Variants in LRP1B observed in about 807,000 individuals in gnomAD.
LRP1B encodes the protein LDL receptor related protein 1B, also known as low-density lipoprotein receptor-related protein 1B.
A neutral mutation model predicts 556.6 loss-of-function variants in LRP1B; 217 were observed. That is an observed-to-expected ratio of 0.39 (90% confidence interval 0.35 to 0.44). The LOEUF (loss-of-function observed/expected upper bound fraction) is 0.44, where lower values mean the gene tolerates loss of function less well. Among genes scored for constraint, LRP1B ranks in the 20% least tolerant of loss-of-function variants. The pLI, the probability that LRP1B is intolerant of heterozygous loss-of-function variation, is 1.00. For synonymous variants in LRP1B, 2,047 were observed against 1,865.8 expected (o/e 1.10, Z -2.50); for missense variants, 5,053 against 5,620.8 (o/e 0.90, Z 3.23).
At chr2:141,301,387 T>C (rs1039504291) in intron 3 of LRP1B, among the ~76,000 whole-genome samples, 1 of 152,230 alleles carries the variant, frequency 6.6e-6, no homozygotes. Context: ...CTCAGAGTGC[T>C]GATGATATCA....
intron 25 of LRP1B, among the ~76,000 whole-genome samples, chr2:140,879,887 C>T (rs1160775909): frequency 6.7e-6 from 1 of 149,264 alleles, no homozygotes; most frequent in Non-Finnish European, 1.5e-5. Flanking sequence ...GCATTATAGG[C>T]ATAAAAAGGC....
rs1558780844 is a variant in LRP1B at position 140,982,294 on chromosome 2, TAAAC to T, written c.2771-22_2771-19del. On this transcript the variant is annotated intron_variant, in intron 17 of 90. Transcript: ENST00000389484. ...TGTTCTGGCTATGATGATCAATTAA[TAAAC>T]AAAAAATCAATTTAGAGGCATTTTG... 6.5e-7 allele frequency: 1 copy of T among 1,548,796 alleles called. No individual in the cohort carries two copies. The highest frequency in any genetic ancestry group is 1.4e-5 in the African/African-American group (1 of 73,452).
chr2:140,941,814 T>G (rs1312158728), intron 20 of LRP1B, among the ~76,000 whole-genome samples: 1 of 152,062 alleles, frequency 6.6e-6, no homozygotes, highest in African/African-American at 2.4e-5. Flanking sequence ...AGCAAATTCA[T>G]GAAGAAAAAG....
chr2:141,480,319 G>A (rs1411765219), intron 3 of LRP1B, 77 bp downstream of exon 3: 1 of 1,479,306 alleles, frequency 6.8e-7, no homozygotes, highest in African/African-American at 1.4e-5. Context: ...GAAAAGGCAG[G>A]TTATAGGTTT....
At chr2:141,235,728 C>T (rs1683626696) in intron 5 of LRP1B, among the ~76,000 whole-genome samples, 1 of 152,110 alleles carries the variant, frequency 6.6e-6, no homozygotes, top group Non-Finnish European at 1.5e-5. Context: ...AGGAGCCAGA[C>T]ACTGTAATAC....
chr2:141,886,224 G>C (rs16847516), intron 1 of LRP1B, among the ~76,000 whole-genome samples: 1 of 152,022 alleles, frequency 6.6e-6, no homozygotes, highest in Non-Finnish European at 1.5e-5. Context: ...AGGTTAAGTG[G>C]GTAGGACTAC....
chr2:141,207,986 G>A (rs527391986), intron 6 of LRP1B: 2 of 152,216 alleles, frequency 1.3e-5, no homozygotes, highest in African/African-American at 4.8e-5. Flanking sequence ...TGGGAAGCAT[G>A]ATTTAAAACA....
intron 3 of LRP1B, among the ~76,000 whole-genome samples, chr2:141,337,948 T>C (rs1687907525): frequency 6.6e-6 from 1 of 152,212 alleles, no homozygotes; most frequent in African/African-American, 2.4e-5. Context: ...TGGTATATTT[T>C]CCGAATGATG....
At chr2:140,595,059 G>T (rs1297502867) in intron 43 of LRP1B, among the ~76,000 whole-genome samples, 1 of 124,900 alleles carries the variant, frequency 8.0e-6, no homozygotes, top group East Asian at 2.2e-4. Flanking sequence ...TTGTTTTGCA[G>T]ATCTACTTAA....
rs557070060 is a variant in LRP1B, at chr2:140,577,670, C to T, written c.7194+20961G>A. The stretch of plus-strand genomic sequence containing the variant: ...TCCTGGGCTCAGGGGATTTTCCCCA[C>T]CCCCCAGCCTCCCAAAGTGCTGAGA... On this transcript the variant is annotated intron_variant, in intron 43 of 90. Transcript: ENST00000389484. Among the ~76,000 whole-genome samples the T allele has an allele frequency of 1.6e-4, 24 of 152,062 alleles. 1 individual carries two copies. The South Asian group carries it at 5.0e-3, about 32-fold the overall frequency.
intron 14 of LRP1B, among the ~76,000 whole-genome samples, chr2:141,012,618 A>T (rs1023789545): frequency 1.3e-5 from 2 of 151,928 alleles, no homozygotes. Flanking sequence ...TCATGTACAC[A>T]TTTCCATTAT....
At chr2:141,809,084 G>A (rs1461449868) in intron 2 of LRP1B, among the ~76,000 whole-genome samples, 1 of 152,054 alleles carries the variant, frequency 6.6e-6, no homozygotes, top group South Asian at 2.1e-4. Flanking sequence ...GTTTTTGGGA[G>A]TTAACTAGTG....
intron 2 of LRP1B, among the ~76,000 whole-genome samples, chr2:141,718,830 A>G (rs1330524070): frequency 1.3e-5 from 2 of 152,214 alleles, no homozygotes; most frequent in Admixed American, 6.5e-5. Flanking sequence ...ACAGGAATTC[A>G]ATAATTTGCC....
intron 3 of LRP1B, among the ~76,000 whole-genome samples, chr2:141,318,243 G>C (rs181751281): frequency 1.3e-5 from 2 of 152,252 alleles, no homozygotes; most frequent in Non-Finnish European, 2.9e-5. Context: ...TGCTGTTTCT[G>C]TCTCAATCAA....
intron 11 of LRP1B, among the ~76,000 whole-genome samples, chr2:141,030,005 G>A (rs183319511): frequency 2.4e-4 from 37 of 152,136 alleles, no homozygotes; most frequent in East Asian, 1.9e-4. Flanking sequence ...AAAATTATCC[G>A]TGTTCTATGA....
chr2:140,373,190 A>G (rs1018986001), intron 68 of LRP1B, 53 bp from the exon 69 acceptor site: 5 of 1,497,960 alleles, frequency 3.3e-6, no homozygotes, highest in Non-Finnish European at 4.6e-6. Context: ...AAACACTTCT[A>G]CACACTCAAA....
chr2:140,867,535 G>A, intron 27 of LRP1B, 55 bp downstream of exon 27: 1 of 1,508,206 alleles, frequency 6.6e-7, no homozygotes, highest in Non-Finnish European at 8.9e-7. Context: ...AATATTATAT[G>A]ATTAAGATGA....
chr2:140,959,663 C>T (rs557964434), intron 18 of LRP1B, among the ~76,000 whole-genome samples: 7 of 151,652 alleles, frequency 4.6e-5, no homozygotes, highest in African/African-American at 1.7e-4. Flanking sequence ...ACTCAAAATA[C>T]ATGTGAAGTA....
intron 83 of LRP1B, among the ~76,000 whole-genome samples, chr2:140,312,611 T>A (rs1684353462): frequency 6.6e-6 from 1 of 151,978 alleles, no homozygotes; most frequent in Non-Finnish European, 1.5e-5. Flanking sequence ...TGCTTTACTC[T>A]GATTTCAATT....
Sources: allele counts gnomAD v4.1 joint callset (sites outside exome capture counted in the v4.1 genomes callset), GRCh38; gene constraint gnomAD v4.1.1; transcripts MANE v1.5; gene names NCBI Gene and HGNC (gene_info 2026-07-23, HGNC 2026-07-21).